The following CPEB1 variants were observed in gnomAD, a reference collection of about 807,000 sequenced individuals.
CPEB1 encodes the protein cytoplasmic polyadenylation element-binding protein 1.
In CPEB1, 7 loss-of-function variants were observed where a neutral mutation model predicts 65.8. The observed-to-expected ratio is 0.11, with a 90% CI of 0.06 to 0.20. The LOEUF is 0.20. CPEB1 is among the 10% of genes least tolerant of loss of function. The probability of loss-of-function intolerance (pLI) is 1.00; values close to 1 mark genes in which losing one functional copy is unlikely to be tolerated. For synonymous variants in CPEB1, 262 were observed against 260.0 expected, an observed-to-expected ratio of 1.01 and a Z score of -0.08; for missense variants, 551 against 712.2, an observed-to-expected ratio of 0.77 and a Z score of 2.58.
chr15:82,566,462 T>G (rs1391767609), intron 4 of CPEB1, among the ~76,000 whole-genome samples: 2 of 152,132 alleles, frequency 1.3e-5, no homozygotes, highest in Non-Finnish European at 2.9e-5. Flanking sequence ...ATTCATTCCA[T>G]GTATGAAAAC....
At chr15:82,563,868 A>G (rs2038659787) in intron 4 of CPEB1, among the ~76,000 whole-genome samples, 1 of 152,076 alleles carries the variant, frequency 6.6e-6, no homozygotes, top group Admixed American at 6.6e-5. Context: ...GTCAATTCCC[A>G]TTTGGCTTTC....
At chr15:82,565,767 G>A (rs993147433) in intron 4 of CPEB1, among the ~76,000 whole-genome samples, 2 of 152,214 alleles carry the variant, frequency 1.3e-5, no homozygotes, top group Non-Finnish European at 2.9e-5. Context: ...CAGAACACAA[G>A]GGATCATGGA....
intron 3 of CPEB1, among the ~76,000 whole-genome samples, chr15:82,612,616 C>A (rs1230192673): frequency 1.3e-5 from 2 of 151,904 alleles, no homozygotes; most frequent in African/African-American, 4.8e-5. Context: ...GCGGGTGGGT[C>A]ATGAGGTCAG....
intron 3 of CPEB1, among the ~76,000 whole-genome samples, chr15:82,616,517 T>C (rs2044726411): frequency 1.3e-5 from 2 of 152,062 alleles, no homozygotes; most frequent in Non-Finnish European, 2.9e-5. Flanking sequence ...AAATACATTA[T>C]TTTACATTCC....
intron 3 of CPEB1, chr15:82,571,913 A>G: frequency 1.0e-6 from 1 of 967,532 alleles, no homozygotes; most frequent in Non-Finnish European, 1.2e-6. Flanking sequence ...TCCCAGGGAA[A>G]GACAGCACAA....
intron 1 of CPEB1, among the ~76,000 whole-genome samples, chr15:82,643,677 C>T (rs1410580584): frequency 6.6e-6 from 1 of 151,868 alleles, no homozygotes; most frequent in Non-Finnish European, 1.5e-5. Flanking sequence ...ATGTACATAC[C>T]CCTTTACATC....
In CPEB1 at chr15:82,629,941, C is replaced by T. The variant is rs573779268; in HGVS notation, c.-97-1385G>A. ...TGGTACCCTCTGCAAACTGTGAAGACGACCAAAATACACAATCCTACAAGG... is the reference window on the plus strand; with the variant it reads ...TGGTACCCTCTGCAAACTGTGAAGATGACCAAAATACACAATCCTACAAGG... On this transcript the variant is annotated intron_variant, in intron 1 of 12. Transcript: ENST00000684509. 458 of 985,384 alleles carry T rather than the reference C, an allele frequency of 4.6e-4. 3 individuals are homozygous for T. In the African/African-American group the frequency reaches 7.5e-3, roughly 16 times the overall value. The allele number at this position is 985,384 out of a possible 1,614,324, so 61.0% of individuals were successfully genotyped here. A position where few individuals can be genotyped will look rare whatever the true frequency, so the allele number is the denominator to read the frequency against.
At chr15:82,616,537 ATT>A (rs35713948) in intron 3 of CPEB1, among the ~76,000 whole-genome samples, 17 of 137,604 alleles carry the variant, frequency 1.2e-4, no homozygotes, top group Admixed American at 3.0e-4. Context: ...CTCTTTTTAA[ATT>A]TTTTTTTTTT....
chr15:82,615,122 C>T (rs1405633830), intron 3 of CPEB1, among the ~76,000 whole-genome samples: 1 of 152,048 alleles, frequency 6.6e-6, no homozygotes, highest in Non-Finnish European at 1.5e-5. Flanking sequence ...GTAGCACGAC[C>T]AGAATTTGTT....
intron 3 of CPEB1, among the ~76,000 whole-genome samples, chr15:82,617,950 G>A (rs868369451): frequency 6.6e-6 from 1 of 151,394 alleles, no homozygotes. Context: ...AGCCGGGATG[G>A]TCTCGATCTC....
rs1344219511 is a variant in CPEB1 at position 82,543,950 on chromosome 15, G to A, written c.*642C>T. 1.3e-5 allele frequency: 2 copies of A among 152,140 alleles called. No homozygotes were observed. Among genetic ancestry groups the A allele is most frequent in the Non-Finnish European group, 2.9e-5 (2 of 68,020 alleles). The allele number at this position is 152,140 out of a possible 1,614,324, so 9.4% of individuals were successfully genotyped here. A position where few individuals can be genotyped will look rare whatever the true frequency, so the allele number is the denominator to read the frequency against. On this transcript the variant is annotated 3_prime_UTR_variant, in exon 13 of 13. Transcript: ENST00000684509. The stretch of plus-strand genomic sequence containing the variant: ...AAAGAAAAAATATCTTGTTCCAAAC[G>A]ACTTAAAAACTGTTTTAAGGAGTGT...
intron 3 of CPEB1, among the ~76,000 whole-genome samples, chr15:82,605,065 T>C (rs938550272): frequency 1.3e-5 from 2 of 152,126 alleles, no homozygotes; most frequent in African/African-American, 2.4e-5. Context: ...TTACCAGAAA[T>C]TGTGGAGCCA....
intron 4 of CPEB1, among the ~76,000 whole-genome samples, chr15:82,559,290 C>T (rs1344582854): frequency 6.6e-6 from 1 of 152,170 alleles, no homozygotes; most frequent in Non-Finnish European, 1.5e-5. Context: ...GGGACCAGAC[C>T]AGCCCACGCT....
intron 5 of CPEB1, 98 bp from the exon 6 acceptor site, chr15:82,556,220 T>C: frequency 7.8e-7 from 1 of 1,289,100 alleles, no homozygotes; most frequent in Non-Finnish European, 1.0e-6. Flanking sequence ...AATAGACATT[T>C]AGCATTTGAT....
intron 1 of CPEB1, among the ~76,000 whole-genome samples, chr15:82,631,088 G>A (rs1186294324): frequency 6.6e-6 from 1 of 152,152 alleles, no homozygotes; most frequent in African/African-American, 2.4e-5. Flanking sequence ...TACCACAGTA[G>A]TCTAGGGAAC....
chr15:82,554,133 C>T (rs1424811277), intron 6 of CPEB1, 142 bp from the exon 7 acceptor site: 22 of 550,034 alleles, frequency 4.0e-5, no homozygotes, highest in Non-Finnish European at 6.0e-5. Flanking sequence ...CATGATTATT[C>T]TGAAAAGCAA....
At chr15:82,606,544 C>T (rs1376351066) in intron 3 of CPEB1, among the ~76,000 whole-genome samples, 2 of 117,204 alleles carry the variant, frequency 1.7e-5, no homozygotes, top group Non-Finnish European at 3.6e-5. Flanking sequence ...TAAGGCCGGG[C>T]GCGGTGGCTC....
intron 3 of CPEB1, among the ~76,000 whole-genome samples, chr15:82,582,459 C>CT (rs553262039): frequency 5.6e-4 from 86 of 152,222 alleles, no homozygotes; most frequent in African/African-American, 1.5e-3. Context: ...GCCATCCCGT[C>CT]TTTTTTTACT....
At chr15:82,576,061 C>G (rs1486538091) in intron 3 of CPEB1, among the ~76,000 whole-genome samples, 2 of 152,130 alleles carry the variant, frequency 1.3e-5, no homozygotes, top group Non-Finnish European at 2.9e-5. Context: ...CATAATCACC[C>G]AAACGTGGAT....
Sources: gnomAD v4.1 joint callset for allele counts (sites outside exome capture counted in the v4.1 genomes callset) on GRCh38, gnomAD v4.1.1 for gene constraint, MANE v1.5 for transcripts, NCBI Gene and HGNC (gene_info 2026-07-23, HGNC 2026-07-21) for gene names.